The following PCDHB13 variants were observed in gnomAD, a reference collection of about 807,000 sequenced individuals.
The protein encoded by PCDHB13 is protocadherin beta-13.
For missense variants in PCDHB13, 1,065 were observed against 1,016.7 expected (o/e 1.05, Z -0.65); for synonymous variants, 515 against 450.7 (o/e 1.14, Z -1.81).
Position 141,216,263 on chromosome 5 carries a change from T to C in PCDHB13, c.2140T>C (p.Cys714Arg). Residue 714 changes from cysteine to arginine, a missense_variant, in exon 1 of 1, where the codon TGT becomes CGT. Cys to Arg is a radical substitution (Grantham distance 180). Coordinates refer to ENST00000341948, the MANE Select transcript of PCDHB13 (RefSeq NM_018933.4). The stretch of plus-strand genomic sequence containing the variant: ...GCTCCTGTTCGTGGCGGTGCGGCTG[T>C]GTAGGAGGAGCAGGGCGGCCTCGGT... ...SVLLFVAVRL[C>R]RRSRAASVGR... The C allele has an allele frequency of 1.2e-6, 2 of 1,613,642 alleles. No individual in the cohort carries two copies. The highest frequency in any genetic ancestry group is 1.7e-6 in the Non-Finnish European group (2 of 1,179,938).
chr5:141,217,051 C>T lies in PCDHB13; in HGVS notation c.*531C>T, dbSNP rs913380977. 4.2e-5 allele frequency: 8 copies of T among 189,448 alleles called. No homozygotes were observed. Among genetic ancestry groups the T allele is most frequent in the East Asian group, 3.6e-4 (2 of 5,544 alleles). 11.7% of individuals were successfully genotyped at this position (189,448 alleles called of 1,614,324 possible). On this transcript the variant is annotated 3_prime_UTR_variant, in exon 1 of 1. Transcript: ENST00000341948. Reference sequence around the variant, plus strand: ...CAACTCTAAGTGTTATCACTTGATTCGAAAGGGTCAGAAGACCAGTTTTTT... The same window carrying T: ...CAACTCTAAGTGTTATCACTTGATTTGAAAGGGTCAGAAGACCAGTTTTTT...
chr5:141,216,592 A>G lies in PCDHB13; in HGVS notation c.*72A>G, dbSNP rs782500599. The G allele has an allele frequency of 2.3e-5, 27 of 1,197,994 alleles. No homozygotes were observed. The highest frequency in any genetic ancestry group is 3.2e-5 in the Non-Finnish European group (26 of 800,052). The allele number at this position is 1,197,994 out of a possible 1,614,324, so 74.2% of individuals were successfully genotyped here. A position where few individuals can be genotyped will look rare whatever the true frequency, so the allele number is the denominator to read the frequency against. ...TCCATGCCAATGTTTATTTCCCCCA[A>G]TTTGTGTGTATGTAATATTGTACGG... On this transcript the variant is annotated 3_prime_UTR_variant, in exon 1 of 1. Transcript: ENST00000341948.
Position 141,216,669 on chromosome 5 carries a change from AT to A in PCDHB13, c.*152del. On this transcript the variant is annotated 3_prime_UTR_variant, in exon 1 of 1. Transcript: ENST00000341948. ...TTTCTCCCTTTGTTTTAAAGTGAAC[AT>A]TTACCTTTATTCCTGGTTCTTAAAA... 1 of 792,632 alleles carries A rather than the reference AT, an allele frequency of 1.3e-6. No homozygotes were observed. The highest frequency in any genetic ancestry group is 2.2e-6 in the Non-Finnish European group (1 of 447,778). 49.1% of individuals were successfully genotyped at this position (792,632 alleles called of 1,614,324 possible). A position where few individuals can be genotyped will look rare whatever the true frequency, so the allele number is the denominator to read the frequency against.
In PCDHB13 at chr5:141,214,015, C is replaced by T. The variant is rs1397086259; in HGVS notation, c.-109C>T. On this transcript the variant is annotated 5_prime_UTR_variant, in exon 1 of 1. Transcript: ENST00000341948. The stretch of plus-strand genomic sequence containing the variant: ...CGGCTGGGTCCTCTGGAGAGGACTA[C>T]TCACTGGCATATTTCTGAGGTATCT... 2 of 1,267,628 alleles carry T rather than the reference C, an allele frequency of 1.6e-6. No homozygotes were observed. Among genetic ancestry groups the T allele is most frequent in the Non-Finnish European group, 2.2e-6 (2 of 895,446 alleles). The allele number at this position is 1,267,628 out of a possible 1,614,324, so 78.5% of individuals were successfully genotyped here.
Position 141,216,602 on chromosome 5 carries a change from A to G in PCDHB13, c.*82A>G. 1.7e-6 allele frequency: 2 copies of G among 1,159,724 alleles called. No homozygotes were observed. The highest frequency in any genetic ancestry group is 2.6e-6 in the Non-Finnish European group (2 of 765,062). The allele number at this position is 1,159,724 out of a possible 1,614,324, so 71.8% of individuals were successfully genotyped here. On this transcript the variant is annotated 3_prime_UTR_variant, in exon 1 of 1. Coordinates refer to ENST00000341948, the MANE Select transcript of PCDHB13 (RefSeq NM_018933.4). ...TGTTTATTTCCCCCAATTTGTGTGTATGTAATATTGTACGGATTTACTCTT... is the reference window on the plus strand; with the variant it reads ...TGTTTATTTCCCCCAATTTGTGTGTGTGTAATATTGTACGGATTTACTCTT...
Position 141,216,979 on chromosome 5 carries a change from T to A in PCDHB13, c.*459T>A. ...TGCGTTTTTAGTTAACCTTTAAATA[T>A]GCTTTTTGCTTTCAAAAATAAACCA... On this transcript the variant is annotated 3_prime_UTR_variant, in exon 1 of 1. Transcript: ENST00000341948. 1 of 254,104 alleles carries A rather than the reference T, an allele frequency of 3.9e-6. No individual in the cohort carries two copies. Among genetic ancestry groups the A allele is most frequent in the East Asian group, 1.4e-4 (1 of 7,016 alleles). 15.7% of individuals were successfully genotyped at this position (254,104 alleles called of 1,614,324 possible).
Position 141,216,298 on chromosome 5 carries a change from C to T in PCDHB13, c.2175C>T (p.Cys725=), listed in dbSNP as rs782602616. 2 of 1,613,858 alleles carry T rather than the reference C, an allele frequency of 1.2e-6. No individual in the cohort carries two copies. The highest frequency in any genetic ancestry group is 1.3e-5 in the African/African-American group (1 of 74,862). The change falls in exon 1 of 1, where the codon TGC becomes TGT. Residue 725 remains cysteine (C), a synonymous_variant. Coordinates refer to ENST00000341948, the MANE Select transcript of PCDHB13 (RefSeq NM_018933.4). ...RRSRAASVGR[C]LVPEGPLPGH... The stretch of plus-strand genomic sequence containing the variant: ...GCAGGGCGGCCTCGGTGGGTCGCTG[C>T]TTGGTGCCCGAGGGCCCCCTTCCAG...
rs1554288171 is a variant in PCDHB13 at position 141,216,283 on chromosome 5, C to T, written c.2160C>T (p.Ala720=). 1 of 1,613,968 alleles carries T rather than the reference C, an allele frequency of 6.2e-7. No individual in the cohort carries two copies. Among genetic ancestry groups the T allele is most frequent in the Non-Finnish European group, 8.5e-7 (1 of 1,180,032 alleles). ...AVRLCRRSRA[A]SVGRCLVPEG... ...GGCTGTGTAGGAGGAGCAGGGCGGC[C>T]TCGGTGGGTCGCTGCTTGGTGCCCG... Residue 720 remains alanine (A), a synonymous_variant, in exon 1 of 1, where the codon GCC becomes GCT. Transcript: ENST00000341948.
In PCDHB13 at chr5:141,216,491, C is replaced by T; in HGVS notation, c.2368C>T (p.Pro790Ser). ...AGAAATACAAGGAAATTCTACCTTC[C>T]CCAATAACTTTGGGTTCAATATTCA... ...GKEIQGNSTF[P>S]NNFGFNIQ Residue 790 changes from proline to serine, a missense_variant, in exon 1 of 1, where the codon CCC (proline) becomes TCC (serine). By Grantham distance (74) the Pro-to-Ser change is moderately conservative. Coordinates refer to ENST00000341948, the MANE Select transcript of PCDHB13 (RefSeq NM_018933.4). The T allele has an allele frequency of 6.2e-7, 1 of 1,613,924 alleles. No individual in the cohort carries two copies. The highest frequency in any genetic ancestry group is 8.5e-7 in the Non-Finnish European group (1 of 1,179,940).
At position 141,215,573 on chromosome 5, in the gene PCDHB13, G is replaced by T. The variant is rs782402841; in HGVS notation, c.1450G>T (p.Ala484Ser). 23 of 1,613,358 alleles carry T rather than the reference G, an allele frequency of 1.4e-5. No individual in the cohort carries two copies. The highest frequency in any genetic ancestry group is 1.8e-4 in the Middle Eastern group (1 of 5,610). The change falls in exon 1 of 1, where the codon GCC (alanine) becomes TCC (serine). Residue 484 changes from alanine (A) to serine (S), a missense_variant. Ala to Ser is a moderately conservative substitution (Grantham distance 99, BLOSUM62 1). Coordinates refer to ENST00000341948, the MANE Select transcript of PCDHB13 (RefSeq NM_018933.4). ...TACAGACAGAGACTCAGGCACCAAC[G>T]CCCAGGTCACCTACTCGCTGCTGCC... ...SATDRDSGTNAQVTYSLLPPQ... is the reference protein window; with the variant it reads ...SATDRDSGTNSQVTYSLLPPQ...
Position 141,216,124 on chromosome 5 carries a change from C to T in PCDHB13, c.2001C>T (p.Ser667=), listed in dbSNP as rs782354217. Residue 667 remains serine (S), a synonymous_variant, in exon 1 of 1, where the codon TCC becomes TCT. Coordinates refer to ENST00000341948, the MANE Select transcript of PCDHB13 (RefSeq NM_018933.4). The part of the protein sequence containing the change: ...TLHVLLVDGF[S]QPYLPLPEAA... ...ACGTGCTCCTGGTGGACGGCTTCTC[C>T]CAGCCCTACCTGCCTCTCCCGGAGG... 5.0e-6 allele frequency: 8 copies of T among 1,609,596 alleles called. No homozygotes were observed. Among genetic ancestry groups the T allele is most frequent in the East Asian group, 4.5e-5 (2 of 44,876 alleles).
In PCDHB13 at chr5:141,216,270, G is replaced by T. The variant is rs782125209; in HGVS notation, c.2147G>T (p.Arg716Met). 6.2e-7 allele frequency: 1 copy of T among 1,613,760 alleles called. No individual in the cohort carries two copies. The highest frequency in any genetic ancestry group is 8.5e-7 in the Non-Finnish European group (1 of 1,180,010). Residue 716 changes from arginine to methionine, a missense_variant, in exon 1 of 1, where the codon AGG becomes ATG. Coordinates refer to ENST00000341948, the MANE Select transcript of PCDHB13 (RefSeq NM_018933.4). The stretch of plus-strand genomic sequence containing the variant: ...TTCGTGGCGGTGCGGCTGTGTAGGA[G>T]GAGCAGGGCGGCCTCGGTGGGTCGC... ...LLFVAVRLCR[R>M]SRAASVGRCL...
rs572684681 is a variant in PCDHB13 at position 141,214,834 on chromosome 5, C to T, written c.711C>T (p.Asn237=). Reference sequence around the variant, plus strand: ...TCTACATCGAAGTCCTGGATGTCAACGATAATGCCCCTGAATTTGAGCAGC... The same window carrying T: ...TCTACATCGAAGTCCTGGATGTCAATGATAATGCCCCTGAATTTGAGCAGC... ...AQVYIEVLDV[N]DNAPEFEQPF... The change falls in exon 1 of 1, where the codon AAC becomes AAT. Residue 237 remains asparagine (N), a synonymous_variant. Transcript: ENST00000341948. The T allele has an allele frequency of 5.8e-5, 93 of 1,614,170 alleles. No homozygotes were observed. The Admixed American group carries it at 8.8e-4, about 15-fold the overall frequency.
At position 141,214,858 on chromosome 5, in the gene PCDHB13, G is replaced by A. The variant is rs782134865; in HGVS notation, c.735G>A (p.Gln245=). ...ACGATAATGCCCCTGAATTTGAGCA[G>A]CCTTTCTATAGAGTGCAGATCTCTG... ...DVNDNAPEFE[Q]PFYRVQISED... Residue 245 remains glutamine (Q), a synonymous_variant, in exon 1 of 1, where the codon CAG becomes CAA. Transcript: ENST00000341948. 1.2e-6 allele frequency: 2 copies of A among 1,614,206 alleles called. No homozygotes were observed. The highest frequency in any genetic ancestry group is 2.2e-5 in the South Asian group (2 of 91,082).
Position 141,216,579 on chromosome 5 carries a change from T to G in PCDHB13, c.*59T>G. ...ATTTTGTGGCATTTCCATGCCAATG[T>G]TTATTTCCCCCAATTTGTGTGTATG... is the stretch of plus-strand genomic sequence containing the variant. On this transcript the variant is annotated 3_prime_UTR_variant, in exon 1 of 1. Coordinates refer to ENST00000341948, the MANE Select transcript of PCDHB13 (RefSeq NM_018933.4). 1 of 1,335,290 alleles carries G rather than the reference T, an allele frequency of 7.5e-7. No homozygotes were observed. The highest frequency in any genetic ancestry group is 1.1e-6 in the Non-Finnish European group (1 of 925,372). The allele number at this position is 1,335,290 out of a possible 1,614,324, so 82.7% of individuals were successfully genotyped here.
Position 141,217,364 on chromosome 5 carries a change from A to T in PCDHB13, c.*844A>T. 1 of 167,064 alleles carries T rather than the reference A, an allele frequency of 6.0e-6. No individual in the cohort carries two copies. The highest frequency in any genetic ancestry group is 1.9e-4 in the East Asian group (1 of 5,208). 10.3% of individuals were successfully genotyped at this position (167,064 alleles called of 1,614,324 possible). On this transcript the variant is annotated 3_prime_UTR_variant, in exon 1 of 1. Transcript: ENST00000341948. ...TTTACTGCAACCAATAGTTAAGATT[A>T]TATTTTACATATTTTGAAACACACA...
At position 141,214,312 on chromosome 5, in the gene PCDHB13, G is replaced by T. The variant is rs1318845368; in HGVS notation, c.189G>T (p.Arg63=). 55 of 1,466,134 alleles carry T rather than the reference G, an allele frequency of 3.8e-5. No homozygotes were observed. In the African/African-American group the frequency reaches 7.6e-4, roughly 20 times the overall value. 90.8% of individuals were successfully genotyped at this position (1,466,134 alleles called of 1,614,324 possible). A position where few individuals can be genotyped will look rare whatever the true frequency, so the allele number is the denominator to read the frequency against. Residue 63 remains arginine, a synonymous_variant, in exon 1 of 1, where the codon CGG becomes CGT. Transcript: ENST00000341948. ...LGLEQREFSR[R]GVRVVSRGNK... is the part of the protein sequence containing the mutation. ...TGGAGCAGAGGGAATTCTCCAGGCGGGGGGTTAGGGTTGTTTCCAGAGGGA... is the reference window on the plus strand; with the variant it reads ...TGGAGCAGAGGGAATTCTCCAGGCGTGGGGTTAGGGTTGTTTCCAGAGGGA...
In PCDHB13 at chr5:141,216,625, C is replaced by T. The variant is rs782261509; in HGVS notation, c.*105C>T. 1 of 995,048 alleles carries T rather than the reference C, an allele frequency of 1.0e-6. No individual in the cohort carries two copies. Among genetic ancestry groups the T allele is most frequent in the Non-Finnish European group, 1.6e-6 (1 of 616,084 alleles). The allele number at this position is 995,048 out of a possible 1,614,324, so 61.6% of individuals were successfully genotyped here. ...GTATGTAATATTGTACGGATTTACT[C>T]TTGATTTTTCTCATGTTCTTTCTCC... On this transcript the variant is annotated 3_prime_UTR_variant, in exon 1 of 1. Transcript: ENST00000341948.
chr5:141,216,647 C>A lies in PCDHB13; in HGVS notation c.*127C>A. On this transcript the variant is annotated 3_prime_UTR_variant, in exon 1 of 1. Coordinates refer to ENST00000341948, the MANE Select transcript of PCDHB13 (RefSeq NM_018933.4). ...ACTCTTGATTTTTCTCATGTTCTTT[C>A]TCCCTTTGTTTTAAAGTGAACATTT... 1 of 909,656 alleles carries A rather than the reference C, an allele frequency of 1.1e-6. No individual in the cohort carries two copies. The highest frequency in any genetic ancestry group is 1.8e-6 in the Non-Finnish European group (1 of 542,190). The allele number at this position is 909,656 out of a possible 1,614,324, so 56.3% of individuals were successfully genotyped here.
Sources: gnomAD v4.1 joint callset for allele counts on GRCh38, gnomAD v4.1.1 for gene constraint, MANE v1.5 for transcripts, NCBI Gene and HGNC (gene_info 2026-07-23, HGNC 2026-07-21) for gene names.